PCSK6: variants seen among roughly 807,000 people sequenced by gnomAD.
PCSK6 encodes the protein proprotein convertase subtilisin/kexin type 6, also known as paired basic amino acid cleaving enzyme 4.
In PCSK6, 85 loss-of-function variants were observed where a neutral mutation model predicts 123.3. The ratio of observed to expected loss-of-function variants is 0.69; its 90% confidence interval spans 0.58 to 0.83. The LOEUF (loss-of-function observed/expected upper bound fraction) is 0.83. Among genes scored for constraint, PCSK6 ranks in the 40% least tolerant of loss-of-function variants. PCSK6 has a pLI of 0.00. For missense variants in PCSK6, 1,191 were observed against 1,282.3 expected (o/e 0.93, Z 1.09); for synonymous variants, 508 against 516.0 (o/e 0.98, Z 0.21).
At chr15:101,423,961 G>C (rs1388821972) in intron 6 of PCSK6, among the ~76,000 whole-genome samples, 4 of 152,216 alleles carry the variant, frequency 2.6e-5, no homozygotes, top group African/African-American at 7.2e-5. Context: ...GGTGGCTCAT[G>C]CCTGTAATCC....
intron 13 of PCSK6, among the ~76,000 whole-genome samples, chr15:101,361,557 A>G (rs2041222999): frequency 6.6e-6 from 1 of 152,174 alleles, no homozygotes; most frequent in South Asian, 2.1e-4. Context: ...CCAAGGCCCC[A>G]TGGAGGTAAG....
chr15:101,405,899 C>G (rs1416702595), intron 6 of PCSK6, among the ~76,000 whole-genome samples: 1 of 152,134 alleles, frequency 6.6e-6, no homozygotes, highest in East Asian at 1.9e-4. Context: ...CACACCACCA[C>G]GCCTGGCTAA....
intron 1 of PCSK6, among the ~76,000 whole-genome samples, chr15:101,469,467 G>A (rs1275487720): frequency 6.6e-6 from 1 of 152,206 alleles, no homozygotes; most frequent in Non-Finnish European, 1.5e-5. Context: ...AGTGCCGAGA[G>A]ACCCTCCGTC....
At chr15:101,332,279 G>C (rs1478184149) in intron 13 of PCSK6, among the ~76,000 whole-genome samples, 1 of 152,176 alleles carries the variant, frequency 6.6e-6, no homozygotes, top group Non-Finnish European at 1.5e-5. Context: ...TCCGCTTCCT[G>C]TCCCTGCTGG....
intron 1 of PCSK6, among the ~76,000 whole-genome samples, chr15:101,475,624 C>T (rs1056356858): frequency 6.6e-6 from 1 of 151,566 alleles, no homozygotes; most frequent in Non-Finnish European, 1.5e-5. Flanking sequence ...TAGCTGGGAC[C>T]ACAGGCGTAC....
At chr15:101,321,033 G>T (rs866346438) in intron 18 of PCSK6, among the ~76,000 whole-genome samples, 1 of 152,172 alleles carries the variant, frequency 6.6e-6, no homozygotes, top group Non-Finnish European at 1.5e-5. Context: ...GCACTTCTCT[G>T]CTGGGAAACA....
At chr15:101,414,348 AT>A (rs1324990092) in intron 6 of PCSK6, among the ~76,000 whole-genome samples, 1 of 152,198 alleles carries the variant, frequency 6.6e-6, no homozygotes, top group African/African-American at 2.4e-5. Flanking sequence ...AAATAAAAAA[AT>A]CACATACAAA....
At chr15:101,392,979 T>C (rs1008276435) in intron 8 of PCSK6, among the ~76,000 whole-genome samples, 2 of 152,042 alleles carry the variant, frequency 1.3e-5, no homozygotes, top group Non-Finnish European at 2.9e-5. Flanking sequence ...CAGAGAGGGG[T>C]TTAACTGCTA....
At chr15:101,413,441 T>C (rs1291673983) in intron 6 of PCSK6, among the ~76,000 whole-genome samples, 1 of 151,332 alleles carries the variant, frequency 6.6e-6, no homozygotes, top group Non-Finnish European at 1.5e-5. Flanking sequence ...TTAAAAAGTG[T>C]TCAAGTAACC....
intron 20 of PCSK6, chr15:101,309,256 C>G (rs1212495434): frequency 1.3e-5 from 2 of 152,584 alleles, no homozygotes; most frequent in Non-Finnish European, 2.9e-5. Context: ...GGGAAATAAT[C>G]CATCACCATG....
rs1005168517 is a variant in PCSK6 at position 101,489,635 on chromosome 15, C to G, written c.36G>C (p.Arg12=). 1 of 975,890 alleles carries G rather than the reference C, an allele frequency of 1.0e-6. No individual in the cohort carries two copies. The highest frequency in any genetic ancestry group is 1.2e-6 in the Non-Finnish European group (1 of 825,596). 60.5% of individuals were successfully genotyped at this position (975,890 alleles called of 1,614,324 possible). A position where few individuals can be genotyped will look rare whatever the true frequency, so the allele number is the denominator to read the frequency against. The change falls in exon 1 of 22, where the codon CGG becomes CGC. Residue 12 remains arginine, a synonymous_variant. Coordinates refer to ENST00000611716, the MANE Select transcript of PCSK6 (RefSeq NM_002570.5). ...PPRAPPAPGP[R]PPPRAAAATD... is the part of the protein sequence containing the mutation. ...TGGCGGCGGCGGCCCGGGGCGGCGG[C>G]CGGGGCCCGGGCGCAGGCGGCGCGC...
intron 13 of PCSK6, among the ~76,000 whole-genome samples, chr15:101,359,822 T>C (rs1015093626): frequency 2.0e-5 from 3 of 152,234 alleles, no homozygotes; most frequent in East Asian, 1.9e-4. Flanking sequence ...TCTCCTTCCA[T>C]TGCTCATACA....
rs544629408 is a variant in PCSK6, at chr15:101,398,617, C to A, written c.824-41G>T. The A allele has an allele frequency of 6.3e-7, 1 of 1,585,582 alleles. No homozygotes were observed. Among genetic ancestry groups the A allele is most frequent in the South Asian group, 1.1e-5 (1 of 89,844 alleles). ...AGGCTCGGTGTCGGCGCCCAGGCTC[C>A]GGGCACACAGCGACGGGAACCCGGG... On this transcript the variant is annotated intron_variant, in intron 6 of 21. Transcript: ENST00000611716. The surrounding 1 kb of genome is among the most constrained non-coding windows in gnomAD (Gnocchi z 4.6).
intron 6 of PCSK6, among the ~76,000 whole-genome samples, chr15:101,401,219 C>T (rs557348080): frequency 2.6e-5 from 4 of 152,228 alleles, no homozygotes; most frequent in East Asian, 1.9e-4. Flanking sequence ...TAGAGACATT[C>T]GGCAGTGTCA....
chr15:101,409,849 A>G (rs915911995), intron 6 of PCSK6, among the ~76,000 whole-genome samples: 2 of 152,182 alleles, frequency 1.3e-5, no homozygotes, highest in South Asian at 2.1e-4. Context: ...AGGATGCCGC[A>G]TGGGGCACGA....
At chr15:101,456,126 A>G (rs2057171992) in intron 1 of PCSK6, among the ~76,000 whole-genome samples, 1 of 152,228 alleles carries the variant, frequency 6.6e-6, no homozygotes, top group South Asian at 2.1e-4. Context: ...TGCATACTCA[A>G]AGTAAAACTT....
Position 101,318,346 on chromosome 15 carries a change from A to G in PCSK6, c.2542T>C (p.Cys848Arg), listed in dbSNP as rs1485770958. The G allele has an allele frequency of 6.4e-7, 1 of 1,563,150 alleles. No individual in the cohort carries two copies. Among genetic ancestry groups the G allele is most frequent in the Non-Finnish European group, 8.7e-7 (1 of 1,153,768 alleles). ...ACGCAGGTTCCGCAGGTGTGATGGCATTCCCCACATCTGATCAGCTCTGAG... is the reference window on the plus strand; with the variant it reads ...ACGCAGGTTCCGCAGGTGTGATGGCGTTCCCCACATCTGATCAGCTCTGAG... Reference protein sequence around the residue: ...FDSELIRCGECHHTCGTCVGP... With the variant: ...FDSELIRCGERHHTCGTCVGP... Residue 848 changes from cysteine (C) to arginine (R), a missense_variant, in exon 19 of 22, where the codon TGC becomes CGC. Physicochemically the swap from Cys to Arg is radical, Grantham distance 180. This residue lies in a region of PCSK6 where 630 missense variants were observed against 631.4 expected (regional missense o/e 1.00). Transcript: ENST00000611716.
intron 9 of PCSK6, among the ~76,000 whole-genome samples, 185 bp downstream of exon 9, chr15:101,389,279 G>A (rs2042156569): frequency 6.6e-6 from 1 of 152,242 alleles, no homozygotes; most frequent in South Asian, 2.1e-4. Context: ...AACGGGCAGA[G>A]GGTTCCAGCC....
intron 18 of PCSK6, among the ~76,000 whole-genome samples, chr15:101,319,925 G>A (rs1422008107): frequency 1.3e-5 from 2 of 152,136 alleles, no homozygotes; most frequent in African/African-American, 4.8e-5. Flanking sequence ...TCGAACCCAA[G>A]GAGGGGTCAT....
Sources: allele counts gnomAD v4.1 joint callset (sites outside exome capture counted in the v4.1 genomes callset), GRCh38; gene constraint gnomAD v4.1.1; regional missense constraint gnomAD v4.1.1; non-coding constraint Gnocchi (gnomAD v3.1); transcripts MANE v1.5; gene names NCBI Gene and HGNC (gene_info 2026-07-23, HGNC 2026-07-21).